Variants in DYNLT2 observed in about 807,000 individuals in gnomAD.
DYNLT2 encodes dynein light chain Tctex-type 2.
In DYNLT2, 24 loss-of-function variants were observed where a neutral mutation model predicts 24.3. The ratio of observed to expected loss-of-function variants is 0.99; its 90% CI spans 0.71 to 1.39. DYNLT2 has a LOEUF of 1.39. Among genes scored for constraint, DYNLT2 ranks in the 40% most tolerant of loss-of-function variants. The probability of loss-of-function intolerance (pLI) is 0.00; values close to 1 mark genes in which losing one functional copy is unlikely to be tolerated. For missense variants in DYNLT2, 246 were observed against 234.5 expected, an observed-to-expected ratio of 1.05 and a Z score of -0.32; for synonymous variants, 85 against 85.4, an observed-to-expected ratio of 1.00 and a Z score of 0.03.
chr6:169,735,231 A>C (rs1789537275), downstream of DYNLT2, among the ~76,000 whole-genome samples: 1 of 151,752 alleles, frequency 6.6e-6, no homozygotes, highest in Admixed American at 6.6e-5. Flanking sequence ...TTTTCAAAAA[A>C]CCAGCTCCTG....
At chr6:169,731,734 T>A in the DYNLT2 span, among the ~76,000 whole-genome samples, 5 of 152,098 alleles carry the variant, frequency 3.3e-5, no homozygotes, top group African/African-American at 1.2e-4. Context: ...ATATAACAAA[T>A]GGAAAATTGA....
downstream of DYNLT2, among the ~76,000 whole-genome samples, chr6:169,739,467 T>G (rs1253404181): frequency 6.6e-6 from 1 of 152,116 alleles, no homozygotes; most frequent in Non-Finnish European, 1.5e-5. Flanking sequence ...TCAAGCAAAA[T>G]GAATGTACGT....
chr6:169,738,219 G>A (rs1171878651), downstream of DYNLT2, among the ~76,000 whole-genome samples: 1 of 152,206 alleles, frequency 6.6e-6, no homozygotes, highest in African/African-American at 2.4e-5. Context: ...TACCCAGGGG[G>A]CTTAGCATGT....
At chr6:169,745,148 A>G (rs1488525457) in intron 1 of DYNLT2, among the ~76,000 whole-genome samples, 1 of 151,614 alleles carries the variant, frequency 6.6e-6, no homozygotes. Context: ...GCTGGAGTGC[A>G]GTGGCGCGAT....
In DYNLT2 at chr6:169,740,308, T is replaced by C. The variant is rs1039550481; in HGVS notation, c.487-13A>G. 2.6e-5 allele frequency: 41 copies of C among 1,572,698 alleles called. No homozygotes were observed. The highest frequency in any genetic ancestry group is 2.2e-4 in the Admixed American group (13 of 59,622). ...ATCTGCTGGCAATCTGTGAGAGAAA[T>C]TTTGTAAAGACCAACTTTAGATTGA... On this transcript the variant is annotated splice_polypyrimidine_tract_variant and intron_variant, in intron 3 of 3. Transcript: ENST00000366774.
intron 1 of DYNLT2, among the ~76,000 whole-genome samples, chr6:169,745,391 T>G (rs1368006098): frequency 6.6e-6 from 1 of 152,214 alleles, no homozygotes; most frequent in Non-Finnish European, 1.5e-5. Context: ...CATGAGCCAC[T>G]GCACCCAGCA....
At chr6:169,745,174 C>T (rs915448083) in intron 1 of DYNLT2, among the ~76,000 whole-genome samples, 1 of 151,912 alleles carries the variant, frequency 6.6e-6, no homozygotes, top group African/African-American at 2.4e-5. Context: ...CTCACTGCAA[C>T]CTCTGCCTCC....
intron 1 of DYNLT2, chr6:169,749,734 A>G (rs1009007862): frequency 1.3e-5 from 2 of 152,216 alleles, no homozygotes; most frequent in Admixed American, 6.5e-5. Flanking sequence ...CAATCTCACC[A>G]AAGCTCTATA....
chr6:169,744,207 A>G lies in DYNLT2; in HGVS notation c.188T>C (p.Phe63Ser), dbSNP rs765326987. Residue 63 changes from phenylalanine to serine, a missense_variant, in exon 2 of 4, where the codon TTT becomes TCT. By Grantham distance (155) the Phe-to-Ser change is radical. Transcript: ENST00000366774. Reference protein sequence around the residue: ...IHNVQYVEPPFDDSIADIGKE... With the variant: ...IHNVQYVEPPSDDSIADIGKE... ...ACCTATATCAGCAATTGAGTCATCA[A>G]AAGGAGGCTCCACATACTGAACATT... The G allele has an allele frequency of 2.5e-5, 40 of 1,613,802 alleles. No individual in the cohort carries two copies. The highest frequency in any genetic ancestry group is 3.1e-5 in the Non-Finnish European group (36 of 1,179,980).
the DYNLT2 span, among the ~76,000 whole-genome samples, chr6:169,726,937 T>C: frequency 5.9e-5 from 9 of 151,546 alleles, no homozygotes; most frequent in Admixed American, 3.3e-4. Flanking sequence ...TACGTGAAAA[T>C]AAGGCCCAAG....
chr6:169,727,335 T>G, the DYNLT2 span, among the ~76,000 whole-genome samples: 1 of 152,112 alleles, frequency 6.6e-6, no homozygotes, highest in Non-Finnish European at 1.5e-5. Context: ...TGGAAGACAT[T>G]AGCACATGTT....
downstream of DYNLT2, chr6:169,740,068 G>T: frequency 1.6e-6 from 1 of 634,526 alleles, no homozygotes; most frequent in Non-Finnish European, 2.7e-6. Context: ...CAATTGAAAG[G>T]CCTCAAATGA....
chr6:169,727,373 G>A, the DYNLT2 span, among the ~76,000 whole-genome samples: 2 of 152,122 alleles, frequency 1.3e-5, no homozygotes, highest in East Asian at 3.9e-4. Context: ...GACTGAGTAG[G>A]AAGGCAGAAA....
chr6:169,730,040 A>G, the DYNLT2 span, among the ~76,000 whole-genome samples: 1 of 152,232 alleles, frequency 6.6e-6, no homozygotes, highest in Non-Finnish European at 1.5e-5. Flanking sequence ...TTCTTTATGC[A>G]ATTCCTCACA....
rs1430903220 is a variant in DYNLT2, at chr6:169,740,804, G to GC, written c.487-510dup. Among the ~76,000 whole-genome samples, 9 of 130,720 alleles carry GC rather than the reference G, an allele frequency of 6.9e-5. No individual in the cohort carries two copies. In the East Asian group the frequency reaches 1.9e-3, roughly 28 times the overall value. 85.8% of individuals were successfully genotyped at this position (130,720 alleles called of 152,430 possible). A position where few individuals can be genotyped will look rare whatever the true frequency, so the allele number is the denominator to read the frequency against. On this transcript the variant is annotated intron_variant, in intron 3 of 3. Coordinates refer to ENST00000366774, the MANE Select transcript of DYNLT2 (RefSeq NM_174910.3). ...ACTTCTTTGTGGAGGATCTAAAATG[G>GC]CCCCAATTTTTTTTTTTTTTTGAGA...
At chr6:169,733,473 G>A in the DYNLT2 span, among the ~76,000 whole-genome samples, 997 of 152,288 alleles carry the variant, frequency 6.5e-3, 9 homozygotes, top group African/African-American at 0.023. Context: ...TAAGGTGTAA[G>A]GAAGGGGTCC....
intron 2 of DYNLT2, among the ~76,000 whole-genome samples, chr6:169,743,631 A>G (rs556459697): frequency 7.9e-5 from 12 of 152,318 alleles, no homozygotes; most frequent in African/African-American, 2.9e-4. Context: ...GTTTTCTTAT[A>G]CTGAAGATTA....
At chr6:169,726,375 T>C in the DYNLT2 span, among the ~76,000 whole-genome samples, 2 of 152,098 alleles carry the variant, frequency 1.3e-5, no homozygotes, top group African/African-American at 4.8e-5. Context: ...TGACCTAGAA[T>C]TTGAAAACTG....
chr6:169,751,406 T>C lies in DYNLT2; in HGVS notation c.53A>G (p.Gln18Arg). 6.2e-7 allele frequency: 1 copy of C among 1,614,156 alleles called. No individual in the cohort carries two copies. Among genetic ancestry groups the C allele is most frequent in the South Asian group, 1.1e-5 (1 of 91,078 alleles). Reference protein sequence around the residue: ...VKSSPIQTPNQTPQQAPVTPR... With the variant: ...VKSSPIQTPNRTPQQAPVTPR... Reference sequence around the variant, plus strand: ...CGTCACCGGAGCCTGCTGAGGGGTCTGGTTCGGGGTCTGGATGGGGCTCGA... The same window carrying C: ...CGTCACCGGAGCCTGCTGAGGGGTCCGGTTCGGGGTCTGGATGGGGCTCGA... Residue 18 changes from glutamine to arginine, a missense_variant, in exon 1 of 4, where the codon CAG becomes CGG. Coordinates refer to ENST00000366774, the MANE Select transcript of DYNLT2 (RefSeq NM_174910.3).
Sources: allele counts gnomAD v4.1 joint callset (sites outside exome capture counted in the v4.1 genomes callset), GRCh38; gene constraint gnomAD v4.1.1; transcripts MANE v1.5; gene names NCBI Gene and HGNC (gene_info 2026-07-23, HGNC 2026-07-21).